Variants in PCDHGA7 observed in about 807,000 individuals in gnomAD.
PCDHGA7 encodes the protein protocadherin gamma subfamily A, 7.
Under a neutral mutation model 58.3 loss-of-function variants are expected in PCDHGA7, and 44 were observed. The ratio of observed to expected loss-of-function variants is 0.75; its 90% CI spans 0.59 to 0.97. The LOEUF is 0.97. Among genes scored for constraint, PCDHGA7 ranks in the 50% least tolerant of loss-of-function variants. The pLI is 0.00. For missense variants in PCDHGA7, 1,266 were observed against 1,188.7 expected (o/e 1.06, Z -0.96); for synonymous variants, 516 against 504.2 (o/e 1.02, Z -0.31).
intron 2 of PCDHGA7, among the ~76,000 whole-genome samples, chr5:141,500,281 T>A (rs1254933339): frequency 2.0e-5 from 3 of 151,934 alleles, no homozygotes; most frequent in Non-Finnish European, 4.4e-5. Context: ...CAATCTCGGC[T>A]CACTGCAAGC....
At chr5:141,448,114 A>G (rs1483138819) in intron 1 of PCDHGA7, among the ~76,000 whole-genome samples, 1 of 151,948 alleles carries the variant, frequency 6.6e-6, no homozygotes, top group Non-Finnish European at 1.5e-5. Flanking sequence ...AGAAAAGAAA[A>G]TTAGCCTCCC....
chr5:141,403,069 A>G (rs747569947), intron 1 of PCDHGA7: 3 of 1,613,954 alleles, frequency 1.9e-6, no homozygotes, highest in African/African-American at 2.7e-5. Flanking sequence ...CTGAAGAGAC[A>G]GAAAAGGGCT....
chr5:141,385,181 C>T lies in PCDHGA7; in HGVS notation c.2282C>T (p.Ala761Val), dbSNP rs201394036. The part of the protein sequence containing the change: ...QTYSHEVSLT[A>V]DSRKSHLIFP... ...TATTCCCATGAGGTCTCCCTCACCG[C>T]GGACTCTCGGAAGAGTCACCTGATC... The change falls in exon 1 of 4, where the codon GCG becomes GTG. Residue 761 changes from alanine (A) to valine (V), a missense_variant. Coordinates refer to ENST00000518325, the MANE Select transcript of PCDHGA7 (RefSeq NM_018920.4). 3.1e-6 allele frequency: 5 copies of T among 1,614,202 alleles called. No homozygotes were observed. Among genetic ancestry groups the T allele is most frequent in the Non-Finnish European group, 3.4e-6 (4 of 1,180,040 alleles).
chr5:141,400,621 A>G (rs1361532935), intron 1 of PCDHGA7: 1 of 1,521,426 alleles, frequency 6.6e-7, no homozygotes, highest in Non-Finnish European at 9.0e-7. Flanking sequence ...GAGTTGTCTT[A>G]GGGAAGTCAG....
At position 141,423,722 on chromosome 5, in the gene PCDHGA7, G is replaced by A. The variant is rs541297269; in HGVS notation, c.2424+38399G>A. Reference sequence around the variant, plus strand: ...CTTGGCACAAGTCTTTTAAGGAGATGTTTTTTGAGCCTGTTATGAAAACTG... The same window carrying A: ...CTTGGCACAAGTCTTTTAAGGAGATATTTTTTGAGCCTGTTATGAAAACTG... On this transcript the variant is annotated intron_variant, in intron 1 of 3. Coordinates refer to ENST00000518325, the MANE Select transcript of PCDHGA7 (RefSeq NM_018920.4). 5 of 954,184 alleles carry A rather than the reference G, an allele frequency of 5.2e-6. No individual in the cohort carries two copies. In the African/African-American group the frequency reaches 6.3e-5, roughly 12 times the overall value. The allele number at this position is 954,184 out of a possible 1,614,324, so 59.1% of individuals were successfully genotyped here.
rs771503687 is a variant in PCDHGA7 at position 141,383,368 on chromosome 5, G to T, written c.469G>T (p.Ala157Ser). 3 of 1,614,014 alleles carry T rather than the reference G, an allele frequency of 1.9e-6. No individual in the cohort carries two copies. In the East Asian group the frequency reaches 6.7e-5, roughly 36 times the overall value. ...TGGGGTTCGGTTTCCGTTAAGCGAG[G>T]CTGGGGATCCAGATGTGGGCACGAA... ...APGVRFPLSE[A>S]GDPDVGTNSL... The change falls in exon 1 of 4, where the codon GCT becomes TCT. Residue 157 changes from alanine to serine, a missense_variant. Physicochemically the swap from Ala to Ser is moderately conservative, Grantham distance 99. Coordinates refer to ENST00000518325, the MANE Select transcript of PCDHGA7 (RefSeq NM_018920.4).
chr5:141,414,123 C>T (rs1328389134), intron 1 of PCDHGA7: 1 of 1,592,532 alleles, frequency 6.3e-7, no homozygotes. Flanking sequence ...ATGAAGAAAC[C>T]GGTTTCTATG....
chr5:141,392,488 T>G, intron 1 of PCDHGA7: 1 of 203,312 alleles, frequency 4.9e-6, no homozygotes, highest in Non-Finnish European at 9.8e-6. Flanking sequence ...AACAAAGTAA[T>G]AAGCAAATGA....
intron 1 of PCDHGA7, among the ~76,000 whole-genome samples, chr5:141,460,407 TTG>T: frequency 6.6e-6 from 1 of 152,188 alleles, no homozygotes; most frequent in Non-Finnish European, 1.5e-5. Flanking sequence ...TCCTTTTGAG[TTG>T]ATGTTTATGT....
Position 141,477,060 on chromosome 5 carries a change from C to G in PCDHGA7, c.2425-17747C>G. On this transcript the variant is annotated intron_variant, in intron 1 of 3. Coordinates refer to ENST00000518325, the MANE Select transcript of PCDHGA7 (RefSeq NM_018920.4). The surrounding 1 kb of genome is among the most constrained non-coding windows in gnomAD (Gnocchi z 4.9). ...AAGGGTCGGCTGGACTTCGAGGACA[C>G]CAAACTCCATGAGATTTACATCCAG... The G allele has an allele frequency of 1.2e-6, 2 of 1,614,256 alleles. No individual in the cohort carries two copies. The highest frequency in any genetic ancestry group is 2.2e-5 in the South Asian group (2 of 91,086).
At chr5:141,481,813 G>C (rs185558948) in intron 1 of PCDHGA7, among the ~76,000 whole-genome samples, 1 of 151,824 alleles carries the variant, frequency 6.6e-6, no homozygotes, top group African/African-American at 2.4e-5. Flanking sequence ...TTCACCAGGC[G>C]TGGTGGCTGA....
intron 1 of PCDHGA7, chr5:141,394,386 A>T (rs765454423): frequency 1.2e-6 from 2 of 1,614,210 alleles, no homozygotes; most frequent in South Asian, 1.1e-5. Context: ...CTATGAGCAG[A>T]TCCGAGACCT....
chr5:141,500,271 C>T (rs936454651), intron 2 of PCDHGA7, among the ~76,000 whole-genome samples: 3 of 151,598 alleles, frequency 2.0e-5, no homozygotes, highest in African/African-American at 7.3e-5. Flanking sequence ...TGCAGTGGCG[C>T]AATCTCGGCT....
chr5:141,390,300 T>C, intron 1 of PCDHGA7: 2 of 1,613,822 alleles, frequency 1.2e-6, no homozygotes, highest in Non-Finnish European at 1.7e-6. Flanking sequence ...CCTTTAAGTA[T>C]AATTTAATGC....
In PCDHGA7 at chr5:141,408,212, A is replaced by C. The variant is rs1360693546; in HGVS notation, c.2424+22889A>C. ...AGAACCCGAGCGAACGATGGGAGGGAGCTGCGCGCAGAGGCGCCGGGCCGG... is the reference window on the plus strand; with the variant it reads ...AGAACCCGAGCGAACGATGGGAGGGCGCTGCGCGCAGAGGCGCCGGGCCGG... On this transcript the variant is annotated intron_variant, in intron 1 of 3. Coordinates refer to ENST00000518325, the MANE Select transcript of PCDHGA7 (RefSeq NM_018920.4). 1.9e-6 allele frequency: 3 copies of C among 1,554,492 alleles called. No individual in the cohort carries two copies. In the Admixed American group the frequency reaches 5.9e-5, roughly 30 times the overall value.
At chr5:141,406,267 G>A (rs2094786630) in intron 1 of PCDHGA7, among the ~76,000 whole-genome samples, 1 of 151,854 alleles carries the variant, frequency 6.6e-6, no homozygotes, top group African/African-American at 2.4e-5. Context: ...CGATCTTCCT[G>A]CTTCAGTTTC....
chr5:141,485,944 G>C lies in PCDHGA7; in HGVS notation c.2425-8863G>C, dbSNP rs2099621875. 1 of 1,613,998 alleles carries C rather than the reference G, an allele frequency of 6.2e-7. No homozygotes were observed. Reference sequence around the variant, plus strand: ...TTAGTGTGTTGGAGAGCGCACCAGCGGGCATGGTGCTCATCCAGCTCAATG... The same window carrying C: ...TTAGTGTGTTGGAGAGCGCACCAGCCGGCATGGTGCTCATCCAGCTCAATG... On this transcript the variant is annotated intron_variant, in intron 1 of 3. Transcript: ENST00000518325. This position sits in a 1 kb window ranked among gnomAD's most constrained non-coding sequence, Gnocchi z 5.7.
At chr5:141,385,831 G>A (rs1317215192) in intron 1 of PCDHGA7, 1 of 154,298 alleles carries the variant, frequency 6.5e-6, no homozygotes, top group Non-Finnish European at 1.4e-5. Flanking sequence ...CCTATTTACA[G>A]TATAATCATT....
At chr5:141,417,832 G>C in intron 1 of PCDHGA7, 1 of 1,528,846 alleles carries the variant, frequency 6.5e-7, no homozygotes. Flanking sequence ...CTGGAAAAGC[G>C]GGGACCCAGC....
Sources: allele counts gnomAD v4.1 joint callset (sites outside exome capture counted in the v4.1 genomes callset), GRCh38; gene constraint gnomAD v4.1.1; non-coding constraint Gnocchi (gnomAD v3.1); transcripts MANE v1.5; gene names NCBI Gene and HGNC (gene_info 2026-07-23, HGNC 2026-07-21).